The following CSMD1 variants were observed in gnomAD, a reference collection of about 807,000 sequenced individuals.
CSMD1 encodes CUB and Sushi multiple domains 1.
CSMD1 carries 213 observed loss-of-function variants against 417.5 expected under a neutral mutation model. The observed-to-expected ratio is 0.51, with a 90% CI of 0.46 to 0.57. CSMD1 has a LOEUF of 0.57. Ranked by LOEUF, CSMD1 falls within the 20% of genes least tolerant of loss-of-function variation. The pLI, the probability that CSMD1 is intolerant of heterozygous loss-of-function variation, is 0.00. For synonymous variants in CSMD1, 2,862 were observed against 1,736.8 expected (o/e 1.65, Z -16.11); for missense variants, 6,923 against 4,529.7 (o/e 1.53, Z -15.17).
intron 2 of CSMD1, among the ~76,000 whole-genome samples, chr8:4,464,716 A>T (rs1800052514): frequency 2.0e-5 from 3 of 152,224 alleles, no homozygotes; most frequent in Admixed American, 1.3e-4. Context: ...GTTTTAATGT[A>T]TCTACACTGA....
intron 3 of CSMD1, among the ~76,000 whole-genome samples, chr8:4,155,637 C>G (rs1796796036): frequency 1.3e-5 from 2 of 152,234 alleles, no homozygotes; most frequent in Non-Finnish European, 2.9e-5. Flanking sequence ...TCTTGGTTAG[C>G]TGATGACATA....
chr8:3,992,203 A>T (rs76590076), intron 5 of CSMD1, among the ~76,000 whole-genome samples: 1 of 137,234 alleles, frequency 7.3e-6, no homozygotes, highest in East Asian at 2.5e-4. Flanking sequence ...ATTCATATTT[A>T]TTTCCCATTT....
intron 3 of CSMD1, among the ~76,000 whole-genome samples, chr8:4,176,955 A>G (rs1798081947): frequency 6.6e-6 from 1 of 151,258 alleles, no homozygotes; most frequent in East Asian, 1.9e-4. Context: ...CTACAAAGAG[A>G]CTTAGACTCC....
intron 3 of CSMD1, among the ~76,000 whole-genome samples, chr8:4,387,724 A>G (rs1482697038): frequency 6.6e-6 from 1 of 152,110 alleles, no homozygotes; most frequent in Non-Finnish European, 1.5e-5. Context: ...TATTTTAGCT[A>G]AAATAGACAT....
At chr8:4,258,287 A>AGGAGAAAG (rs1396678753) in intron 3 of CSMD1, among the ~76,000 whole-genome samples, 2 of 123,704 alleles carry the variant, frequency 1.6e-5, no homozygotes, top group African/African-American at 6.4e-5. Context: ...TATTATGGTA[A>AGGAGAAAG]GGAGAAAGGG....
chr8:3,557,319 G>A, intron 10 of CSMD1, among the ~76,000 whole-genome samples: 1 of 152,150 alleles, frequency 6.6e-6, no homozygotes, highest in East Asian at 1.9e-4. Context: ...TTTAATTATG[G>A]CAGACCATCG....
At chr8:2,957,442 C>A (rs1237391257) in intron 63 of CSMD1, among the ~76,000 whole-genome samples, 1 of 152,138 alleles carries the variant, frequency 6.6e-6, no homozygotes, top group Non-Finnish European at 1.5e-5. Context: ...AACTGTCCCC[C>A]TTCTCTCCTC....
At chr8:4,781,024 G>A (rs1283633004) in intron 1 of CSMD1, among the ~76,000 whole-genome samples, 2 of 152,166 alleles carry the variant, frequency 1.3e-5, no homozygotes, top group Admixed American at 6.5e-5. Context: ...ATTACCACCT[G>A]CAAATAGCTT....
intron 3 of CSMD1, among the ~76,000 whole-genome samples, chr8:4,212,502 C>A (rs953801332): frequency 6.6e-6 from 1 of 151,850 alleles, no homozygotes; most frequent in Non-Finnish European, 1.5e-5. Context: ...GATCCTAAAG[C>A]TTATTTAGAT....
At chr8:4,376,464 C>T (rs1255728209) in intron 3 of CSMD1, among the ~76,000 whole-genome samples, 1 of 152,116 alleles carries the variant, frequency 6.6e-6, no homozygotes, top group African/African-American at 2.4e-5. Context: ...GTAGAAACAT[C>T]ATTTAGAAAG....
intron 6 of CSMD1, among the ~76,000 whole-genome samples, chr8:3,752,720 C>T (rs988671412): frequency 3.1e-5 from 4 of 128,384 alleles, no homozygotes; most frequent in Non-Finnish European, 4.9e-5. Flanking sequence ...TTTGTTGAAA[C>T]GAATTTGCCC....
At chr8:3,746,107 A>C (rs573365820) in intron 6 of CSMD1, among the ~76,000 whole-genome samples, 2 of 152,232 alleles carry the variant, frequency 1.3e-5, no homozygotes, top group Non-Finnish European at 2.9e-5. Context: ...TTGTCTGCAG[A>C]TTTGGCCAAC....
At chr8:2,989,054 A>T (rs549806324) in intron 54 of CSMD1, among the ~76,000 whole-genome samples, 2 of 152,368 alleles carry the variant, frequency 1.3e-5, no homozygotes, top group East Asian at 3.9e-4. Flanking sequence ...TAGTTAGGAA[A>T]AGAATGCAAA....
chr8:4,352,850 T>C (rs980585586), intron 3 of CSMD1, among the ~76,000 whole-genome samples: 2 of 152,190 alleles, frequency 1.3e-5, no homozygotes, highest in Non-Finnish European at 2.9e-5. Flanking sequence ...ATTGGACCTG[T>C]TTCTCTTTGT....
intron 3 of CSMD1, among the ~76,000 whole-genome samples, chr8:4,065,522 G>A (rs2552089): frequency 0.83 from 126,898 of 152,180 alleles, 52,975 homozygotes; most frequent in Admixed American, 0.88. Flanking sequence ...TGAAGTTACG[G>A]TATCAAGAAA....
chr8:4,363,125 A>G (rs1801870825), intron 3 of CSMD1, among the ~76,000 whole-genome samples: 1 of 152,232 alleles, frequency 6.6e-6, no homozygotes, highest in African/African-American at 2.4e-5. Flanking sequence ...GACACTTTCA[A>G]CAGAGTAAAT....
intron 5 of CSMD1, among the ~76,000 whole-genome samples, chr8:3,939,988 C>G (rs779401390): frequency 5.3e-5 from 8 of 151,998 alleles, no homozygotes; most frequent in Non-Finnish European, 1.2e-4. Context: ...CCAAAAACCA[C>G]CTGTACCCCA....
At chr8:4,870,885 C>G (rs189488610) in intron 1 of CSMD1, among the ~76,000 whole-genome samples, 229 of 152,266 alleles carry the variant, frequency 1.5e-3, no homozygotes, top group Non-Finnish European at 2.6e-3. Context: ...ATTGTGTCAC[C>G]TGGCCCTTTG....
At chr8:4,924,059 G>T (rs1009343807) in intron 1 of CSMD1, among the ~76,000 whole-genome samples, 1 of 152,036 alleles carries the variant, frequency 6.6e-6, no homozygotes, top group South Asian at 2.1e-4. Context: ...AATCACTGTA[G>T]GCAGAAAAGT....
Sources: gnomAD v4.1 joint callset for allele counts (sites outside exome capture counted in the v4.1 genomes callset) on GRCh38, gnomAD v4.1.1 for gene constraint, MANE v1.5 for transcripts, NCBI Gene and HGNC (gene_info 2026-07-23, HGNC 2026-07-21) for gene names.